The following GPHN variants were observed in gnomAD, a reference collection of about 807,000 sequenced individuals.
GPHN encodes gephyrin.
A neutral mutation model predicts 95.5 loss-of-function variants in GPHN; 17 were observed. That is an observed-to-expected ratio of 0.18 (90% CI 0.12 to 0.27). The LOEUF is 0.27. Among genes scored for constraint, GPHN ranks in the 10% least tolerant of loss-of-function variants. The probability of loss-of-function intolerance (pLI) is 1.00; values close to 1 mark genes in which losing one functional copy is unlikely to be tolerated. For synonymous variants in GPHN, 320 were observed against 322.5 expected (o/e 0.99, Z 0.08); for missense variants, 660 against 978.1 (o/e 0.67, Z 4.34).
chr14:67,201,038 A>G, the GPHN span, among the ~76,000 whole-genome samples: 2 of 152,198 alleles, frequency 1.3e-5, no homozygotes, highest in Non-Finnish European at 2.9e-5. Flanking sequence ...GCTCATGGCT[A>G]TAATCCCAGT....
the GPHN span, chr14:67,652,624 G>A: frequency 6.6e-6 from 1 of 152,180 alleles, no homozygotes; most frequent in Non-Finnish European, 1.5e-5. Context: ...TCTTGACTCA[G>A]TTACTGCCCA....
chr14:67,385,268 C>A, the GPHN span: 1 of 152,146 alleles, frequency 6.6e-6, no homozygotes, highest in African/African-American at 2.4e-5. Context: ...ACTTGAAGAA[C>A]AGGCTTGGCA....
At chr14:67,492,791 G>A in the GPHN span, among the ~76,000 whole-genome samples, 1 of 152,170 alleles carries the variant, frequency 6.6e-6, no homozygotes, top group Non-Finnish European at 1.5e-5. Flanking sequence ...TTATATTCCA[G>A]CAGTCAACAA....
the GPHN span, among the ~76,000 whole-genome samples, chr14:67,464,570 C>T: frequency 6.6e-6 from 1 of 152,186 alleles, no homozygotes; most frequent in East Asian, 1.9e-4. Flanking sequence ...ACTCTTCGAG[C>T]TCATTCGCAT....
intron 1 of GPHN, among the ~76,000 whole-genome samples, chr14:66,627,992 T>A (rs1009098284): frequency 6.6e-6 from 1 of 152,124 alleles, no homozygotes; most frequent in African/African-American, 2.4e-5. Flanking sequence ...GAAAATGGAA[T>A]GTTTTTATTG....
chr14:67,341,648 GC>G, the GPHN span, among the ~76,000 whole-genome samples: 2 of 152,164 alleles, frequency 1.3e-5, no homozygotes, highest in African/African-American at 4.8e-5. Flanking sequence ...GAAGTGAGGA[GC>G]CCCTCTGCCC....
chr14:66,744,068 C>T (rs1318186415), intron 2 of GPHN, among the ~76,000 whole-genome samples: 3 of 152,116 alleles, frequency 2.0e-5, no homozygotes, highest in Admixed American at 6.5e-5. Flanking sequence ...CCAATAAAAA[C>T]ATAACTTCCA....
chr14:67,078,888 G>T (rs2076590954), intron 11 of GPHN, among the ~76,000 whole-genome samples: 1 of 150,716 alleles, frequency 6.6e-6, no homozygotes, highest in Admixed American at 6.6e-5. Context: ...TAAGCTCTCA[G>T]ACCAAAACTT....
At chr14:66,708,128 G>A (rs1174563341) in intron 2 of GPHN, among the ~76,000 whole-genome samples, 1 of 151,988 alleles carries the variant, frequency 6.6e-6, no homozygotes, top group African/African-American at 2.4e-5. Context: ...CAGTATCATT[G>A]CAGGGTACTT....
At chr14:67,374,394 T>C in the GPHN span, 12 of 759,560 alleles carry the variant, frequency 1.6e-5, no homozygotes, top group Admixed American at 8.4e-5. Flanking sequence ...ACACTTAATT[T>C]GGTCTTCAAA....
At chr14:66,883,750 T>C (rs948051147) in intron 5 of GPHN, among the ~76,000 whole-genome samples, 2 of 152,106 alleles carry the variant, frequency 1.3e-5, no homozygotes, top group Non-Finnish European at 2.9e-5. Flanking sequence ...ATATTGTTAG[T>C]GTCTGCCCAG....
intron 5 of GPHN, among the ~76,000 whole-genome samples, chr14:66,901,482 G>T (rs1027975526): frequency 9.2e-5 from 14 of 151,904 alleles, no homozygotes; most frequent in African/African-American, 3.1e-4. Context: ...CATTTCCTCA[G>T]TGTTTTCTTC....
At chr14:67,401,066 A>G in the GPHN span, among the ~76,000 whole-genome samples, 1 of 152,110 alleles carries the variant, frequency 6.6e-6, no homozygotes, top group Non-Finnish European at 1.5e-5. Context: ...TCGTATGTTG[A>G]ATGCCTAGCC....
intron 2 of GPHN, among the ~76,000 whole-genome samples, chr14:66,721,719 G>A (rs1207048435): frequency 6.6e-6 from 1 of 152,036 alleles, no homozygotes; most frequent in Non-Finnish European, 1.5e-5. Context: ...GGAAGGCCGA[G>A]GCAGGCGAAT....
the GPHN span, among the ~76,000 whole-genome samples, chr14:67,240,886 G>A: frequency 6.6e-6 from 1 of 152,194 alleles, no homozygotes; most frequent in African/African-American, 2.4e-5. Flanking sequence ...CACACATCCA[G>A]GTGTTTATGT....
At chr14:67,369,624 T>C in the GPHN span, among the ~76,000 whole-genome samples, 1 of 152,218 alleles carries the variant, frequency 6.6e-6, no homozygotes, top group Non-Finnish European at 1.5e-5. Flanking sequence ...ACAAATATGT[T>C]CTCTGATCAC....
chr14:66,836,212 C>A (rs955100824), intron 4 of GPHN, among the ~76,000 whole-genome samples: 1 of 132,970 alleles, frequency 7.5e-6, no homozygotes, highest in African/African-American at 3.7e-5. Flanking sequence ...GCTACAATAA[C>A]CAAAACAGCG....
intron 2 of GPHN, among the ~76,000 whole-genome samples, chr14:66,770,575 A>G (rs934503783): frequency 2.0e-5 from 3 of 152,192 alleles, no homozygotes; most frequent in Admixed American, 6.5e-5. Context: ...TATGTTATAT[A>G]CACATATCAC....
chr14:67,265,416 G>T, the GPHN span, among the ~76,000 whole-genome samples: 1 of 151,944 alleles, frequency 6.6e-6, no homozygotes, highest in Non-Finnish European at 1.5e-5. Context: ...AAAGTAGCTG[G>T]ATGGTGGCGT....
Sources: allele counts gnomAD v4.1 joint callset (sites outside exome capture counted in the v4.1 genomes callset), GRCh38; gene constraint gnomAD v4.1.1; transcripts MANE v1.5; gene names NCBI Gene and HGNC (gene_info 2026-07-23, HGNC 2026-07-21).